Variants in DPH6 observed in about 807,000 individuals in gnomAD.
DPH6 encodes the protein diphthine--ammonia ligase.
DPH6 carries 33 observed loss-of-function variants against 38.2 expected under a neutral mutation model. The observed-to-expected ratio is 0.86, with a 90% CI of 0.65 to 1.15. The LOEUF is 1.15. Ranked by LOEUF, DPH6 falls within the 50% of genes most tolerant of loss-of-function variation. The pLI is 0.00. For synonymous variants in DPH6, 108 were observed against 103.0 expected, an observed-to-expected ratio of 1.05 and a Z score of -0.30; for missense variants, 325 against 320.0, an observed-to-expected ratio of 1.02 and a Z score of -0.12.
intron 1 of DPH6, among the ~76,000 whole-genome samples, chr15:35,544,448 CTATGTAAAAAAA>C (rs2055312404): frequency 6.6e-6 from 1 of 151,598 alleles, no homozygotes; most frequent in Non-Finnish European, 1.5e-5. Flanking sequence ...ACATGTATAC[CTATGTAAAAAAA>C]CTGCACGTTC....
the DPH6 span, among the ~76,000 whole-genome samples, chr15:35,209,068 CT>C: frequency 2.0e-5 from 3 of 152,010 alleles, no homozygotes; most frequent in Non-Finnish European, 4.4e-5. Context: ...TGCACGTGGT[CT>C]TTTTCCCCCA....
At chr15:35,387,911 G>A (rs1314531707) in intron 6 of DPH6, among the ~76,000 whole-genome samples, 2 of 152,092 alleles carry the variant, frequency 1.3e-5, no homozygotes, top group Non-Finnish European at 2.9e-5. Flanking sequence ...GGGCATCCCT[G>A]TCTTGTGCCA....
chr15:35,525,961 C>G (rs537279845), intron 3 of DPH6, among the ~76,000 whole-genome samples: 23 of 152,298 alleles, frequency 1.5e-4, no homozygotes, highest in Non-Finnish European at 3.1e-4. Context: ...AGTGCATTAT[C>G]CTAGATGAAA....
chr15:35,233,065 TGGGA>T (rs2051529005), intron 3 of DPH6, among the ~76,000 whole-genome samples: 1 of 152,168 alleles, frequency 6.6e-6, no homozygotes, highest in South Asian at 2.1e-4. Flanking sequence ...CTCAGCATTT[TGGGA>T]GGCTGCGGTG....
At chr15:35,357,771 T>C (rs781133748) in intron 3 of DPH6, among the ~76,000 whole-genome samples, 3 of 152,224 alleles carry the variant, frequency 2.0e-5, no homozygotes, top group East Asian at 1.9e-4. Flanking sequence ...GATAGGTTTA[T>C]AGGTTTATAT....
downstream of DPH6, among the ~76,000 whole-genome samples, chr15:35,330,522 A>G (rs928818325): frequency 6.6e-6 from 1 of 152,140 alleles, no homozygotes; most frequent in Non-Finnish European, 1.5e-5. Flanking sequence ...CCACTGACCT[A>G]ATCTTAGATG....
intron 1 of DPH6, among the ~76,000 whole-genome samples, chr15:35,545,173 G>C (rs565050491): frequency 6.6e-6 from 1 of 152,176 alleles, no homozygotes; most frequent in Non-Finnish European, 1.5e-5. Context: ...ACAAAAGCAA[G>C]CACATCGTTG....
the DPH6 span, among the ~76,000 whole-genome samples, chr15:35,186,666 A>G: frequency 3.3e-5 from 5 of 152,210 alleles, no homozygotes; most frequent in Non-Finnish European, 7.3e-5. Flanking sequence ...TGTATTTTCT[A>G]TTAAGTATTA....
intron 3 of DPH6, among the ~76,000 whole-genome samples, chr15:35,268,188 T>A (rs571256500): frequency 6.8e-6 from 1 of 146,650 alleles, no homozygotes; most frequent in Non-Finnish European, 1.5e-5. Flanking sequence ...AATAAATAAA[T>A]AAATAAATAA....
chr15:35,401,233 G>C, intron 6 of DPH6: 7 of 1,120,390 alleles, frequency 6.2e-6, no homozygotes, highest in Non-Finnish European at 9.4e-6. Flanking sequence ...CAGCCAAAGA[G>C]GACAAAGTGG....
intron 1 of DPH6, among the ~76,000 whole-genome samples, chr15:35,543,532 C>T (rs1354238937): frequency 6.6e-6 from 1 of 151,676 alleles, no homozygotes; most frequent in African/African-American, 2.4e-5. Context: ...TTTCTTTTTC[C>T]TCCTGTTTCC....
chr15:35,359,406 A>C (rs2052594732), intron 3 of DPH6, among the ~76,000 whole-genome samples: 1 of 151,852 alleles, frequency 6.6e-6, no homozygotes, highest in African/African-American at 2.4e-5. Context: ...AAGGCTTCTC[A>C]CTCTGTTCAA....
intron 5 of DPH6, among the ~76,000 whole-genome samples, chr15:35,424,452 ATT>A (rs199555714): frequency 1.1e-4 from 17 of 147,908 alleles, no homozygotes; most frequent in African/African-American, 2.7e-4. Context: ...TTCTAACAGG[ATT>A]TTTTTTTTTG....
the DPH6 span, among the ~76,000 whole-genome samples, chr15:35,209,132 T>A: frequency 6.6e-6 from 1 of 152,186 alleles, no homozygotes; most frequent in East Asian, 1.9e-4. Flanking sequence ...AAGATTTTTG[T>A]TATATTTCCT....
intron 7 of DPH6, among the ~76,000 whole-genome samples, chr15:35,374,335 CAT>C (rs2052752750): frequency 6.6e-6 from 1 of 152,020 alleles, no homozygotes; most frequent in African/African-American, 2.4e-5. Context: ...AGAAATTCCT[CAT>C]ATCACTTTAG....
At chr15:35,401,856 G>A (rs2053224495) in intron 6 of DPH6, 1 of 505,442 alleles carries the variant, frequency 2.0e-6, no homozygotes, top group South Asian at 1.7e-5. Context: ...TGTGAACTCA[G>A]TCAAGCACAG....
Position 35,285,872 on chromosome 15 carries a change from G to GTTTTTTTTTTTTTTTTTTTTTTTTTT in DPH6, n.201-65291_201-65290insAAAAAAAAAAAAAAAAAAAAAAAAAA, listed in dbSNP as rs67243158. On this transcript the variant is annotated intron_variant and non_coding_transcript_variant, in intron 3 of 3. Coordinates refer to the DPH6 transcript ENST00000560386. ...GACTCAATTATCATTTTATCTTTGA[G>GTTTTTTTTTTTTTTTTTTTTTTTTTT]TTTTTTTTTTTTTTTTTACCTGAGA... 1.2e-3 allele frequency among the ~76,000 whole-genome samples: 65 copies of GTTTTTTTTTTTTTTTTTTTTTTTTTT among 52,806 alleles called. 24 individuals are homozygous for GTTTTTTTTTTTTTTTTTTTTTTTTTT. Among genetic ancestry groups the GTTTTTTTTTTTTTTTTTTTTTTTTTT allele is most frequent in the East Asian group, 1.8e-3 (3 of 1,692 alleles). 34.6% of individuals were successfully genotyped at this position (52,806 alleles called of 152,430 possible). A position where few individuals can be genotyped will look rare whatever the true frequency, so the allele number is the denominator to read the frequency against.
intron 3 of DPH6, among the ~76,000 whole-genome samples, chr15:35,289,976 A>G (rs1247487670): frequency 2.0e-5 from 3 of 152,218 alleles, no homozygotes; most frequent in African/African-American, 4.8e-5. Context: ...TCTTTTGGCC[A>G]TTATCATACA....
chr15:35,489,375 T>G (rs2054446538), intron 3 of DPH6: 1 of 985,250 alleles, frequency 1.0e-6, no homozygotes, highest in Non-Finnish European at 1.2e-6. Flanking sequence ...TTCATTAAAT[T>G]TTTTTCTGTC....
Sources: allele counts gnomAD v4.1 joint callset (sites outside exome capture counted in the v4.1 genomes callset), GRCh38; gene constraint gnomAD v4.1.1; transcripts MANE v1.5; gene names NCBI Gene and HGNC (gene_info 2026-07-23, HGNC 2026-07-21).